Variants in STXBP5L observed in about 807,000 individuals in gnomAD.
STXBP5L encodes the protein syntaxin binding protein 5L, also known as syntaxin-binding protein 5-like.
A neutral mutation model predicts 144.5 loss-of-function variants in STXBP5L; 65 were observed. That is an observed-to-expected ratio of 0.45 (90% CI 0.37 to 0.55). The LOEUF is 0.55. Ranked by LOEUF, STXBP5L falls within the 20% of genes least tolerant of loss-of-function variation. STXBP5L has a pLI of 0.00. For missense variants in STXBP5L, 1,298 were observed against 1,405.5 expected (o/e 0.92, Z 1.22); for synonymous variants, 505 against 469.6 (o/e 1.08, Z -0.97).
chr3:121,160,159 T>C (rs1200641985), intron 9 of STXBP5L, among the ~76,000 whole-genome samples: 2 of 152,190 alleles, frequency 1.3e-5, no homozygotes, highest in East Asian at 1.9e-4. Flanking sequence ...TTCCCTGTAA[T>C]TGAACTGATA....
chr3:121,105,732 G>A (rs894196363), intron 5 of STXBP5L, among the ~76,000 whole-genome samples: 1 of 152,054 alleles, frequency 6.6e-6, no homozygotes, highest in African/African-American at 2.4e-5. Flanking sequence ...ATGGACACAT[G>A]AAACTCAATA....
At chr3:120,965,390 G>A (rs975287985) in intron 3 of STXBP5L, among the ~76,000 whole-genome samples, 3 of 152,072 alleles carry the variant, frequency 2.0e-5, no homozygotes, top group African/African-American at 7.2e-5. Flanking sequence ...TTTATAATTT[G>A]GCCTGTTTTT....
At chr3:121,136,563 A>AT (rs1019937265) in intron 7 of STXBP5L, among the ~76,000 whole-genome samples, 3 of 152,194 alleles carry the variant, frequency 2.0e-5, no homozygotes, top group Non-Finnish European at 4.4e-5. Flanking sequence ...TATTACTACA[A>AT]TTTTTTAAAA....
In STXBP5L at chr3:121,257,273, C is replaced by G; in HGVS notation, c.1772C>G (p.Ser591Cys). 6.2e-7 allele frequency: 1 copy of G among 1,613,814 alleles called. No homozygotes were observed. The highest frequency in any genetic ancestry group is 8.5e-7 in the Non-Finnish European group (1 of 1,179,798). Residue 591 changes from serine to cysteine, a missense_variant, in exon 17 of 27, where the codon TCT (serine) becomes TGT (cysteine). Coordinates refer to ENST00000471454, the MANE Select transcript of STXBP5L (RefSeq NM_001308330.2). ...CAGCTTCCTTCTTCAAGGAGTCTTT[C>G]TGGGAGCACTAACACTGTTGCTAGT... ...SAQLPSSRSL[S>C]GSTNTVASEG...
At chr3:121,037,583 A>C (rs1329712589) in intron 3 of STXBP5L, among the ~76,000 whole-genome samples, 2 of 151,968 alleles carry the variant, frequency 1.3e-5, no homozygotes, top group Non-Finnish European at 2.9e-5. Flanking sequence ...GTATTTTTTG[A>C]ATCTATATTC....
chr3:121,192,884 G>T (rs1290037892), intron 9 of STXBP5L, among the ~76,000 whole-genome samples: 1 of 152,038 alleles, frequency 6.6e-6, no homozygotes, highest in East Asian at 1.9e-4. Context: ...AGAAAACCTA[G>T]GCAGTATCAT....
At chr3:121,035,623 G>A (rs1000648318) in intron 3 of STXBP5L, among the ~76,000 whole-genome samples, 11 of 152,074 alleles carry the variant, frequency 7.2e-5, no homozygotes, top group Admixed American at 7.2e-4. Flanking sequence ...GTAGTGTAAT[G>A]TGAGGCTGGG....
At chr3:121,159,208 A>T (rs2046225814) in intron 9 of STXBP5L, among the ~76,000 whole-genome samples, 1 of 151,994 alleles carries the variant, frequency 6.6e-6, no homozygotes. Flanking sequence ...ATTATTAATC[A>T]TATATAATTT....
chr3:121,257,046 T>A, intron 16 of STXBP5L, 115 bp from the exon 17 acceptor site: 1 of 778,656 alleles, frequency 1.3e-6, no homozygotes, highest in South Asian at 2.5e-5. Flanking sequence ...ACTGTGTGAA[T>A]GATTCCTAAA....
In STXBP5L at chr3:120,970,340, A is replaced by G. The variant is rs144687078; in HGVS notation, c.287+15303A>G. ...CTAGTGCCCATTTATTTTAGATTGAATAGCTTTTAGTATTTCTTGTAAGAC... is the reference window on the plus strand; with the variant it reads ...CTAGTGCCCATTTATTTTAGATTGAGTAGCTTTTAGTATTTCTTGTAAGAC... On this transcript the variant is annotated intron_variant, in intron 3 of 26. Transcript: ENST00000471454. 2.0e-5 allele frequency among the ~76,000 whole-genome samples: 3 copies of G among 152,200 alleles called. No individual in the cohort carries two copies. The East Asian group carries it at 5.8e-4, about 29-fold the overall frequency.
chr3:121,254,766 G>T, intron 15 of STXBP5L, 129 bp from the exon 16 acceptor site: 2 of 783,082 alleles, frequency 2.6e-6, no homozygotes, highest in South Asian at 3.9e-5. Flanking sequence ...ATGCTTTACT[G>T]GTTAAAATGT....
At chr3:121,179,429 A>G (rs1431671307) in intron 9 of STXBP5L, among the ~76,000 whole-genome samples, 1 of 152,212 alleles carries the variant, frequency 6.6e-6, no homozygotes, top group Non-Finnish European at 1.5e-5. Context: ...AATACCGTAC[A>G]TAAACAGTCC....
chr3:121,421,878 T>C lies in STXBP5L; in HGVS notation c.*2781T>C, dbSNP rs2047359208. The C allele has an allele frequency of 6.6e-6, 1 of 152,192 alleles. No individual in the cohort carries two copies. The highest frequency in any genetic ancestry group is 6.5e-5 in the Admixed American group (1 of 15,272). 9.4% of individuals were successfully genotyped at this position (152,192 alleles called of 1,614,324 possible). The stretch of plus-strand genomic sequence containing the variant: ...CTTGAAAAGAAAAGGCTCTTTGAAG[T>C]AGTTAAAACGTGTCTTTCAAAATTG... On this transcript the variant is annotated 3_prime_UTR_variant, in exon 27 of 27. Transcript: ENST00000471454.
chr3:121,224,137 G>C (rs2049050890), intron 11 of STXBP5L, among the ~76,000 whole-genome samples: 1 of 152,080 alleles, frequency 6.6e-6, no homozygotes, highest in South Asian at 2.1e-4. Context: ...CCACTTACTA[G>C]CTAGGTGACC....
At chr3:121,327,796 A>G (rs2044199188) in intron 20 of STXBP5L, among the ~76,000 whole-genome samples, 1 of 152,214 alleles carries the variant, frequency 6.6e-6, no homozygotes, top group African/African-American at 2.4e-5. Context: ...AAATTTCCTG[A>G]CAATTTGCCC....
intron 3 of STXBP5L, among the ~76,000 whole-genome samples, chr3:121,026,170 C>G (rs367787650): frequency 6.6e-6 from 1 of 151,532 alleles, no homozygotes; most frequent in East Asian, 1.9e-4. Context: ...TCTATATGAT[C>G]AAGTACTTGC....
chr3:121,076,420 CTTTTCT>C lies in STXBP5L; in HGVS notation c.470+30892_470+30897del, dbSNP rs1430086710. On this transcript the variant is annotated intron_variant, in intron 5 of 26. Coordinates refer to ENST00000471454, the MANE Select transcript of STXBP5L (RefSeq NM_001308330.2). ...TTTTTTTCTGCTTTTTCTATGACTC[CTTTTCT>C]TTTTCTGATGCCTTGCAGTCTCTTT... Among the ~76,000 whole-genome samples the C allele has an allele frequency of 2.6e-5, 4 of 152,252 alleles. No individual in the cohort carries two copies. In the East Asian group the frequency reaches 7.7e-4, roughly 29 times the overall value.
intron 11 of STXBP5L, among the ~76,000 whole-genome samples, chr3:121,225,878 C>T (rs1210375846): frequency 6.6e-6 from 1 of 152,158 alleles, no homozygotes; most frequent in Non-Finnish European, 1.5e-5. Flanking sequence ...ATTATGAAGC[C>T]CTTGAGAGAC....
intron 5 of STXBP5L, among the ~76,000 whole-genome samples, chr3:121,083,919 C>T (rs1396151356): frequency 1.3e-5 from 2 of 151,978 alleles, no homozygotes; most frequent in African/African-American, 4.8e-5. Flanking sequence ...GCTGCATGGT[C>T]TGTAGCAATA....
Sources: gnomAD v4.1 joint callset for allele counts (sites outside exome capture counted in the v4.1 genomes callset) on GRCh38, gnomAD v4.1.1 for gene constraint, MANE v1.5 for transcripts, NCBI Gene and HGNC (gene_info 2026-07-23, HGNC 2026-07-21) for gene names.